Variants in WWOX observed in about 807,000 individuals in gnomAD.
The protein encoded by WWOX is WW domain-containing oxidoreductase.
Under a neutral mutation model 46.2 loss-of-function variants are expected in WWOX, and 69 were observed. That is an observed-to-expected ratio of 1.49 (90% CI 1.23 to 1.82). The LOEUF is 1.82. WWOX is among the 40% of genes most tolerant of loss of function. The pLI is 0.00. For missense variants in WWOX, 919 were observed against 542.6 expected, an observed-to-expected ratio of 1.69 and a Z score of -6.89; for synonymous variants, 359 against 202.6, an observed-to-expected ratio of 1.77 and a Z score of -6.56.
At chr16:78,106,140 G>A (rs1006267327) in intron 1 of WWOX, among the ~76,000 whole-genome samples, 21 of 152,198 alleles carry the variant, frequency 1.4e-4, no homozygotes, top group African/African-American at 4.1e-4. Flanking sequence ...TTTGGAGCCA[G>A]GCTTCAAGCA....
chr16:78,421,793 C>T (rs954260368), intron 6 of WWOX, among the ~76,000 whole-genome samples: 1 of 152,150 alleles, frequency 6.6e-6, no homozygotes, highest in Non-Finnish European at 1.5e-5. Flanking sequence ...TAAACATTAT[C>T]AATGATAAAA....
chr16:78,919,524 GTT>G (rs869086458), intron 8 of WWOX, among the ~76,000 whole-genome samples: 10 of 13,522 alleles, frequency 7.4e-4, no homozygotes, highest in Non-Finnish European at 2.4e-3. Context: ...TTTTTGTTTT[GTT>G]TTTTTTTTTT....
chr16:78,147,119 T>C (rs1478397109), intron 4 of WWOX, among the ~76,000 whole-genome samples: 2 of 152,064 alleles, frequency 1.3e-5, no homozygotes, highest in Non-Finnish European at 2.9e-5. Context: ...ATATCTAAGA[T>C]AGTGATCTGG....
At chr16:78,167,978 C>A (rs536633012) in intron 5 of WWOX, 47 of 152,264 alleles carry the variant, frequency 3.1e-4, no homozygotes, top group African/African-American at 1.1e-3. Context: ...AGCTGCTGGC[C>A]AGCTTGAGCG....
In WWOX at chr16:78,757,764, T is replaced by C. The variant is rs371928544; in HGVS notation, c.1056+325012T>C. On this transcript the variant is annotated intron_variant, in intron 8 of 8. Coordinates refer to ENST00000566780, the MANE Select transcript of WWOX (RefSeq NM_016373.4). ...ATTTTCCTATAAATAATCTTTCTGA[T>C]TGACAGATAGCGACCTTCCTGCTAT... is the stretch of plus-strand genomic sequence containing the variant. 1.1e-4 allele frequency among the ~76,000 whole-genome samples: 17 copies of C among 152,090 alleles called. No homozygotes were observed. The East Asian group carries it at 2.9e-3, about 26-fold the overall frequency.
intron 7 of WWOX, among the ~76,000 whole-genome samples, chr16:78,430,980 G>A (rs1302073248): frequency 1.3e-5 from 2 of 152,118 alleles, no homozygotes; most frequent in Non-Finnish European, 1.5e-5. Flanking sequence ...CAGTTATCTA[G>A]AGGATTCCCA....
intron 8 of WWOX, among the ~76,000 whole-genome samples, chr16:79,049,567 G>A (rs555786305): frequency 4.6e-5 from 7 of 152,180 alleles, no homozygotes; most frequent in Non-Finnish European, 1.0e-4. Context: ...GCAGGGCGCA[G>A]TAGCTGACCC....
At chr16:79,199,097 C>T (rs1200481176) in intron 8 of WWOX, among the ~76,000 whole-genome samples, 2 of 152,276 alleles carry the variant, frequency 1.3e-5, no homozygotes, top group Non-Finnish European at 2.9e-5. Context: ...GAGTCTCATT[C>T]TGTCACCCAA....
intron 8 of WWOX, among the ~76,000 whole-genome samples, chr16:78,498,886 A>G (rs997086956): frequency 2.0e-5 from 3 of 152,092 alleles, no homozygotes; most frequent in African/African-American, 4.8e-5. Flanking sequence ...CCTTAAATAC[A>G]TAGGCAACTT....
At chr16:78,140,543 G>A (rs1410538695) in intron 4 of WWOX, among the ~76,000 whole-genome samples, 1 of 151,992 alleles carries the variant, frequency 6.6e-6, no homozygotes, top group East Asian at 1.9e-4. Context: ...TTCAGCTTCT[G>A]GTAGCCCTAG....
intron 4 of WWOX, among the ~76,000 whole-genome samples, chr16:78,120,736 C>G (rs1032607639): frequency 6.6e-6 from 1 of 152,166 alleles, no homozygotes; most frequent in African/African-American, 2.4e-5. Flanking sequence ...AGTTGCCATA[C>G]TCTTTGATCC....
rs141842136 is a variant in WWOX, at chr16:78,549,994, A to G, written c.1056+117242A>G. Among the ~76,000 whole-genome samples the G allele has an allele frequency of 4.9e-3, 739 of 152,322 alleles. 2 individuals are homozygous for G. The highest frequency in any genetic ancestry group is 0.014 in the Middle Eastern group (4 of 294). On this transcript the variant is annotated intron_variant, in intron 8 of 8. Coordinates refer to ENST00000566780, the MANE Select transcript of WWOX (RefSeq NM_016373.4). ...TTCCCATCCCACCCCCGCAACAATGAAGGGAAATGCCTAGGTTGAAAACAC... is the reference window on the plus strand; with the variant it reads ...TTCCCATCCCACCCCCGCAACAATGGAGGGAAATGCCTAGGTTGAAAACAC...
At chr16:79,037,577 G>C (rs1331109585) in intron 8 of WWOX, among the ~76,000 whole-genome samples, 1 of 152,104 alleles carries the variant, frequency 6.6e-6, no homozygotes, top group Non-Finnish European at 1.5e-5. Context: ...GTGTTTACAA[G>C]GTCTACAACT....
intron 8 of WWOX, among the ~76,000 whole-genome samples, chr16:78,750,867 A>T (rs544508392): frequency 6.6e-6 from 1 of 152,204 alleles, no homozygotes; most frequent in South Asian, 2.1e-4. Flanking sequence ...GTGTATACGT[A>T]CCACATTTTC....
chr16:78,305,591 A>T (rs1263888576), intron 5 of WWOX, among the ~76,000 whole-genome samples: 1 of 152,040 alleles, frequency 6.6e-6, no homozygotes, highest in East Asian at 1.9e-4. Context: ...CTTGAAACTG[A>T]GCAAGACCGT....
intron 8 of WWOX, among the ~76,000 whole-genome samples, chr16:79,146,603 G>C (rs1855558053): frequency 6.6e-6 from 1 of 152,114 alleles, no homozygotes; most frequent in African/African-American, 2.4e-5. Flanking sequence ...AGCCATTTTA[G>C]AGTTCGTATT....
intron 8 of WWOX, among the ~76,000 whole-genome samples, chr16:78,945,567 G>T (rs1246143717): frequency 6.6e-6 from 1 of 152,272 alleles, no homozygotes; most frequent in East Asian, 1.9e-4. Flanking sequence ...TGGCCTTTTA[G>T]TCTTTTGGTT....
chr16:78,142,547 A>G (rs1597258968), intron 4 of WWOX, among the ~76,000 whole-genome samples: 1 of 152,356 alleles, frequency 6.6e-6, no homozygotes, highest in South Asian at 2.1e-4. Flanking sequence ...TGATTCCTCA[A>G]GTATGCCAGA....
chr16:78,412,277 C>T (rs528611586), intron 6 of WWOX, among the ~76,000 whole-genome samples: 14 of 152,178 alleles, frequency 9.2e-5, no homozygotes, highest in East Asian at 3.9e-4. Context: ...TAAAGGGTAT[C>T]AGGACGGGGA....
Sources: gnomAD v4.1 joint callset for allele counts (sites outside exome capture counted in the v4.1 genomes callset) on GRCh38, gnomAD v4.1.1 for gene constraint, MANE v1.5 for transcripts, NCBI Gene and HGNC (gene_info 2026-07-23, HGNC 2026-07-21) for gene names.